The following KCNH8 variants were observed in gnomAD, a reference collection of about 807,000 sequenced individuals.
KCNH8 encodes the protein potassium voltage-gated channel subfamily H member 8, also known as voltage-gated delayed rectifier potassium channel KCNH8.
Under a neutral mutation model 103.6 loss-of-function variants are expected in KCNH8, and 70 were observed. That is an observed-to-expected ratio of 0.68 (90% CI 0.56 to 0.82). KCNH8 has a LOEUF of 0.82. Ranked by LOEUF, KCNH8 falls within the 40% of genes least tolerant of loss-of-function variation. The pLI is 0.00. For synonymous variants in KCNH8, 498 were observed against 489.4 expected (o/e 1.02, Z -0.23); for missense variants, 1,217 against 1,329.9 (o/e 0.92, Z 1.32).
intron 3 of KCNH8, among the ~76,000 whole-genome samples, chr3:19,288,801 C>T (rs1437410545): frequency 1.3e-5 from 2 of 152,170 alleles, no homozygotes; most frequent in Non-Finnish European, 2.9e-5. Context: ...CTGAGAATTG[C>T]CACACTGACT....
At chr3:19,162,356 T>TAAA (rs1400175490) in intron 1 of KCNH8, among the ~76,000 whole-genome samples, 1 of 84,782 alleles carries the variant, frequency 1.2e-5, no homozygotes, top group African/African-American at 5.3e-5. Context: ...TAACTAAAAA[T>TAAA]ACAAAAAAAA....
intron 11 of KCNH8, among the ~76,000 whole-genome samples, chr3:19,468,343 TGAA>T (rs2067785525): frequency 6.6e-6 from 1 of 152,110 alleles, no homozygotes; most frequent in Non-Finnish European, 1.5e-5. Context: ...TTTAAGAAAA[TGAA>T]GAAAGTCCTG....
At chr3:19,239,929 T>A (rs969428079) in intron 1 of KCNH8, among the ~76,000 whole-genome samples, 4 of 152,186 alleles carry the variant, frequency 2.6e-5, no homozygotes, top group Non-Finnish European at 5.9e-5. Context: ...CTGGTATCTT[T>A]ATGATCATCC....
At chr3:19,191,856 T>C (rs946890418) in intron 1 of KCNH8, among the ~76,000 whole-genome samples, 26 of 151,844 alleles carry the variant, frequency 1.7e-4, no homozygotes, top group African/African-American at 6.3e-4. Flanking sequence ...AACCTATTTA[T>C]GTGGTTGTAT....
At chr3:19,341,676 A>G (rs1489436412) in intron 3 of KCNH8, among the ~76,000 whole-genome samples, 1 of 152,160 alleles carries the variant, frequency 6.6e-6, no homozygotes, top group African/African-American at 2.4e-5. Context: ...AGAAAAATCA[A>G]TACAAATGAA....
At chr3:19,471,350 C>T (rs928764959) in intron 11 of KCNH8, among the ~76,000 whole-genome samples, 4 of 152,122 alleles carry the variant, frequency 2.6e-5, no homozygotes, top group South Asian at 2.1e-4. Flanking sequence ...ACCTGCTCTA[C>T]GGTTACTTGG....
At chr3:19,437,865 A>C (rs965055423) in intron 7 of KCNH8, among the ~76,000 whole-genome samples, 4 of 152,178 alleles carry the variant, frequency 2.6e-5, no homozygotes, top group African/African-American at 9.7e-5. Context: ...ACTGTTTCTG[A>C]GAGTAGCCAT....
intron 1 of KCNH8, among the ~76,000 whole-genome samples, chr3:19,176,247 G>T (rs1462811553): frequency 6.6e-6 from 1 of 152,060 alleles, no homozygotes; most frequent in African/African-American, 2.4e-5. Flanking sequence ...CTTCTTATTT[G>T]AAAGTAAGGA....
intron 5 of KCNH8, among the ~76,000 whole-genome samples, chr3:19,370,144 G>A (rs1467082427): frequency 1.3e-5 from 2 of 151,760 alleles, no homozygotes; most frequent in African/African-American, 2.4e-5. Context: ...GTTATCTCTC[G>A]CCTGCCTGCC....
chr3:19,417,460 G>A (rs570177464), intron 7 of KCNH8, among the ~76,000 whole-genome samples: 133 of 151,486 alleles, frequency 8.8e-4, no homozygotes, highest in African/African-American at 2.9e-3. Context: ...ATTCTTGCTC[G>A]GAATAAGTAA....
At chr3:19,370,893 A>C (rs1356020164) in intron 5 of KCNH8, among the ~76,000 whole-genome samples, 1 of 151,948 alleles carries the variant, frequency 6.6e-6, no homozygotes, top group African/African-American at 2.4e-5. Context: ...GTTTACTGAG[A>C]ATGATGATTT....
At position 19,253,691 on chromosome 3, in the gene KCNH8, G is replaced by T; in HGVS notation, c.114G>T (p.Lys38Asn). Residue 38 changes from lysine (K) to asparagine (N), a missense_variant, in exon 2 of 16, where the codon AAG becomes AAT. Lys to Asn is a moderately conservative substitution (Grantham distance 94). This residue lies in a region of KCNH8 where 244 missense variants were observed against 256.8 expected (regional missense o/e 0.95). Transcript: ENST00000328405. ...TCCTTGCCAATGCCCAGGTGGCTAA[G>T]GGTTTCCCCATAGTCTACTGTTCCG... ...NFILANAQVA[K>N]GFPIVYCSDG... is the part of the protein sequence containing the mutation. The T allele has an allele frequency of 6.2e-7, 1 of 1,613,624 alleles. No homozygotes were observed. The highest frequency in any genetic ancestry group is 8.5e-7 in the Non-Finnish European group (1 of 1,179,872).
chr3:19,450,928 A>T, intron 9 of KCNH8: 2 of 523,324 alleles, frequency 3.8e-6, no homozygotes, highest in Non-Finnish European at 3.4e-6. Flanking sequence ...GGCTTTTTTA[A>T]TTTGTTCTGT....
chr3:19,297,640 C>G (rs2065013321), intron 3 of KCNH8, among the ~76,000 whole-genome samples: 1 of 152,088 alleles, frequency 6.6e-6, no homozygotes, highest in African/African-American at 2.4e-5. Context: ...GTATGGCACA[C>G]CTGGAAAATT....
intron 11 of KCNH8, among the ~76,000 whole-genome samples, chr3:19,501,529 A>G (rs1030177957): frequency 3.9e-5 from 6 of 152,216 alleles, no homozygotes; most frequent in African/African-American, 1.4e-4. Context: ...AATCCTCAAT[A>G]AAATACTGGC....
intron 2 of KCNH8, among the ~76,000 whole-genome samples, chr3:19,275,946 G>A (rs2064664369): frequency 6.6e-6 from 1 of 152,098 alleles, no homozygotes; most frequent in African/African-American, 2.4e-5. Flanking sequence ...CTAGAGGCAG[G>A]AAGAATACTT....
chr3:19,301,812 C>T (rs925872257), intron 3 of KCNH8, among the ~76,000 whole-genome samples: 4 of 152,194 alleles, frequency 2.6e-5, no homozygotes, highest in African/African-American at 9.6e-5. Flanking sequence ...ACTCCAACAC[C>T]CTCTGAAGGT....
intron 3 of KCNH8, among the ~76,000 whole-genome samples, chr3:19,307,580 A>AT (rs988855852): frequency 6.6e-6 from 1 of 151,980 alleles, no homozygotes; most frequent in Non-Finnish European, 1.5e-5. Context: ...TCAAAGAGAC[A>AT]TCTGCACCCC....
At chr3:19,159,659 G>A (rs889643636) in intron 1 of KCNH8, among the ~76,000 whole-genome samples, 1 of 152,060 alleles carries the variant, frequency 6.6e-6, no homozygotes, top group African/African-American at 2.4e-5. Flanking sequence ...TTACTTCAAT[G>A]TGTGTTTAAA....
Sources: gnomAD v4.1 joint callset for allele counts (sites outside exome capture counted in the v4.1 genomes callset) on GRCh38, gnomAD v4.1.1 for gene constraint, gnomAD v4.1.1 regional missense constraint, MANE v1.5 for transcripts, NCBI Gene and HGNC (gene_info 2026-07-23, HGNC 2026-07-21) for gene names.